The following STK38L variants were observed in gnomAD, a reference collection of about 807,000 sequenced individuals.
STK38L encodes the protein serine/threonine kinase 38 like.
STK38L carries 28 observed loss-of-function variants against 59.7 expected under a neutral mutation model. That is an observed-to-expected ratio of 0.47 (90% CI 0.35 to 0.64). The LOEUF is 0.64. Ranked by LOEUF, STK38L falls within the 30% of genes least tolerant of loss-of-function variation. The pLI, the probability that STK38L is intolerant of heterozygous loss-of-function variation, is 0.01. For missense variants in STK38L, 314 were observed against 555.8 expected, an observed-to-expected ratio of 0.56 and a Z score of 4.37; for synonymous variants, 162 against 176.8, an observed-to-expected ratio of 0.92 and a Z score of 0.66.
chr12:27,263,757 A>C (rs376527755), intron 1 of STK38L, among the ~76,000 whole-genome samples: 3 of 152,224 alleles, frequency 2.0e-5, no homozygotes, highest in South Asian at 2.1e-4. Flanking sequence ...TGGGGGACAG[A>C]ATAAGGCGTG....
intron 1 of STK38L, among the ~76,000 whole-genome samples, chr12:27,280,619 A>G (rs1361920612): frequency 6.6e-6 from 1 of 152,188 alleles, no homozygotes; most frequent in Non-Finnish European, 1.5e-5. Flanking sequence ...CTGTGATGGC[A>G]TCTTCGCCAG....
At chr12:27,320,443 T>TA (rs58449746) in intron 12 of STK38L, among the ~76,000 whole-genome samples, 5 of 11,876 alleles carry the variant, frequency 4.2e-4, no homozygotes, top group Non-Finnish European at 4.3e-4. Context: ...ATTTTGTTGA[T>TA]TTTTTTTTTT....
intron 2 of STK38L, among the ~76,000 whole-genome samples, 175 bp from the exon 3 acceptor site, chr12:27,301,962 G>GT (rs1214212185): frequency 1.3e-5 from 2 of 151,642 alleles, no homozygotes; most frequent in Non-Finnish European, 2.9e-5. Flanking sequence ...CAAAATCTGG[G>GT]TTTGTTTTTT....
intron 3 of STK38L, among the ~76,000 whole-genome samples, chr12:27,307,311 T>C (rs1944341834): frequency 6.6e-6 from 1 of 152,248 alleles, no homozygotes; most frequent in Non-Finnish European, 1.5e-5. Context: ...ATTAACTTTG[T>C]TAGAAGTATC....
At chr12:27,299,924 G>T (rs1944122737) in intron 2 of STK38L, among the ~76,000 whole-genome samples, 1 of 152,048 alleles carries the variant, frequency 6.6e-6, no homozygotes. Context: ...ATAATTAAAT[G>T]AATTACAAGG....
chr12:27,281,703 C>T (rs1943662574), intron 1 of STK38L, among the ~76,000 whole-genome samples: 1 of 152,122 alleles, frequency 6.6e-6, no homozygotes, highest in African/African-American at 2.4e-5. Flanking sequence ...AGTTGATTTC[C>T]AGATAATCAT....
At chr12:27,311,134 G>T (rs1944444593) in intron 5 of STK38L, among the ~76,000 whole-genome samples, 1 of 152,182 alleles carries the variant, frequency 6.6e-6, no homozygotes, top group Admixed American at 6.5e-5. Flanking sequence ...ATCAAGCCAT[G>T]TTTATGTTGT....
chr12:27,298,795 G>A (rs1944093576), intron 2 of STK38L, among the ~76,000 whole-genome samples: 1 of 152,212 alleles, frequency 6.6e-6, no homozygotes, highest in Non-Finnish European at 1.5e-5. Flanking sequence ...AGGTCAGGCA[G>A]TGTCCAATTT....
intron 1 of STK38L, among the ~76,000 whole-genome samples, chr12:27,278,100 A>AT (rs1943576460): frequency 6.6e-6 from 1 of 152,246 alleles, no homozygotes; most frequent in South Asian, 2.1e-4. Flanking sequence ...TGCTGGCCAC[A>AT]GTTTAGGCAT....
chr12:27,270,202 A>G (rs1290769067), intron 1 of STK38L, among the ~76,000 whole-genome samples: 1 of 152,056 alleles, frequency 6.6e-6, no homozygotes, highest in Non-Finnish European at 1.5e-5. Context: ...AAGAGATCCA[A>G]ATGAATCTTT....
chr12:27,278,453 G>A (rs531500258), intron 1 of STK38L, among the ~76,000 whole-genome samples: 12 of 152,022 alleles, frequency 7.9e-5, no homozygotes, highest in African/African-American at 2.2e-4. Flanking sequence ...CTCTTTTTTC[G>A]ACAATTTTAT....
chr12:27,298,467 C>A (rs1944083536), intron 2 of STK38L: 1 of 152,086 alleles, frequency 6.6e-6, no homozygotes, highest in East Asian at 1.9e-4. Flanking sequence ...TTATGAATGA[C>A]TGACTTTAAT....
Position 27,297,738 on chromosome 12 carries a change from G to T in STK38L, c.18G>T (p.Gly6=), listed in dbSNP as rs56140810. The change falls in exon 2 of 14, where the codon GGG becomes GGT. Residue 6 remains glycine, a synonymous_variant. Coordinates refer to ENST00000389032, the MANE Select transcript of STK38L (RefSeq NM_015000.4). Reference sequence around the variant, plus strand: ...CCGTTACTATGGCAATGACGGCAGGGACTACAACAACCTTTCCTATGAGCA... The same window carrying T: ...CCGTTACTATGGCAATGACGGCAGGTACTACAACAACCTTTCCTATGAGCA... The part of the protein sequence containing the change: MAMTA[G]TTTTFPMSNH... 4.7e-3 allele frequency: 7,654 copies of T among 1,613,786 alleles called. 304 individuals are homozygous for T. The African/African-American group carries it at 0.087, about 18-fold the overall frequency.
At chr12:27,275,620 TGAG>T (rs1392583695) in intron 1 of STK38L, among the ~76,000 whole-genome samples, 1 of 152,072 alleles carries the variant, frequency 6.6e-6, no homozygotes, top group Non-Finnish European at 1.5e-5. Flanking sequence ...ATTACAGGCA[TGAG>T]CCACCACGCC....
chr12:27,302,983 AG>A (rs1944214275), intron 3 of STK38L, among the ~76,000 whole-genome samples: 1 of 147,232 alleles, frequency 6.8e-6, no homozygotes, highest in Admixed American at 6.9e-5. Context: ...ACTGCACTCC[AG>A]CCTGGGCGAC....
chr12:27,282,448 C>T (rs1943681084), intron 1 of STK38L, among the ~76,000 whole-genome samples: 1 of 152,060 alleles, frequency 6.6e-6, no homozygotes, highest in African/African-American at 2.4e-5. Context: ...AATCATGCAG[C>T]TTACAAAAGA....
At chr12:27,293,094 G>T (rs930047018) in intron 1 of STK38L, among the ~76,000 whole-genome samples, 1 of 152,216 alleles carries the variant, frequency 6.6e-6, no homozygotes, top group Non-Finnish European at 1.5e-5. Flanking sequence ...TGGGGCTACA[G>T]ACATGTGCCA....
Position 27,319,334 on chromosome 12 carries a change from TATTG to T in STK38L, c.1090_1093del (p.Asp364LeufsTer10). The T allele has an allele frequency of 6.2e-7, 1 of 1,608,594 alleles. No homozygotes were observed. Among genetic ancestry groups the T allele is most frequent in the East Asian group, 2.2e-5 (1 of 44,780 alleles). On this transcript the variant is annotated frameshift_variant, in exon 12 of 14. Coordinates refer to ENST00000389032, the MANE Select transcript of STK38L (RefSeq NM_015000.4). LOFTEE classifies it high-confidence loss of function. ...CTCTGTTTCCATGTTGTAGATTTTG[TATTG>T]ATTCTGAAAACAGAATTGGAAATAG...
At chr12:27,258,820 A>G (rs139604398) in intron 1 of STK38L, among the ~76,000 whole-genome samples, 1 of 152,274 alleles carries the variant, frequency 6.6e-6, no homozygotes, top group East Asian at 1.9e-4. Flanking sequence ...GGTCATACCT[A>G]CATTTTGATA....
Sources: allele counts gnomAD v4.1 joint callset (sites outside exome capture counted in the v4.1 genomes callset), GRCh38; gene constraint gnomAD v4.1.1; transcripts MANE v1.5; gene names NCBI Gene and HGNC (gene_info 2026-07-23, HGNC 2026-07-21).